The following DLG2 variants were observed in gnomAD, a reference collection of about 807,000 sequenced individuals.
DLG2 encodes the protein disks large homolog 2.
Under a neutral mutation model 132.5 loss-of-function variants are expected in DLG2, and 45 were observed. The observed-to-expected ratio is 0.34, with a 90% CI of 0.27 to 0.44. DLG2 has a LOEUF of 0.44. DLG2 is among the 20% of genes least tolerant of loss of function. The probability of loss-of-function intolerance (pLI) is 1.00; values close to 1 mark genes in which losing one functional copy is unlikely to be tolerated. For synonymous variants in DLG2, 424 were observed against 419.6 expected (o/e 1.01, Z -0.13); for missense variants, 1,045 against 1,196.9 (o/e 0.87, Z 1.87).
At chr11:83,519,292 T>C (rs886311176) in intron 21 of DLG2, among the ~76,000 whole-genome samples, 1 of 152,174 alleles carries the variant, frequency 6.6e-6, no homozygotes, top group African/African-American at 2.4e-5. Flanking sequence ...CACGATTACA[T>C]TGTGGAAGAA....
chr11:85,290,425 C>G (rs1287711160), intron 3 of DLG2, among the ~76,000 whole-genome samples: 1 of 152,028 alleles, frequency 6.6e-6, no homozygotes, highest in Non-Finnish European at 1.5e-5. Context: ...TTCTGATCCA[C>G]TAGCAACATT....
chr11:84,123,918 G>A (rs1313100320), intron 9 of DLG2, among the ~76,000 whole-genome samples: 2 of 152,254 alleles, frequency 1.3e-5, no homozygotes, highest in Non-Finnish European at 2.9e-5. Flanking sequence ...TTTTTAGAAT[G>A]TATTCTACTC....
intron 8 of DLG2, among the ~76,000 whole-genome samples, chr11:84,228,269 T>C (rs1381924697): frequency 6.6e-6 from 1 of 152,218 alleles, no homozygotes; most frequent in African/African-American, 2.4e-5. Context: ...TTTAACTGCA[T>C]TGGTCATGGA....
chr11:83,489,526 T>C (rs1213942856), intron 21 of DLG2, among the ~76,000 whole-genome samples: 3 of 151,942 alleles, frequency 2.0e-5, no homozygotes, highest in Non-Finnish European at 2.9e-5. Flanking sequence ...CCATCTGTGA[T>C]ACTTATGAGC....
chr11:84,316,682 A>G, intron 7 of DLG2: 1 of 909,200 alleles, frequency 1.1e-6, no homozygotes, highest in South Asian at 1.8e-5. Context: ...CATGTGTGAA[A>G]ATGACAGGTT....
chr11:84,811,742 T>C (rs540573677), intron 6 of DLG2, among the ~76,000 whole-genome samples: 1 of 152,326 alleles, frequency 6.6e-6, no homozygotes, highest in Admixed American at 6.5e-5. Flanking sequence ...ATGTACTGCA[T>C]GCCTACTCTG....
At chr11:84,549,340 A>G (rs2154523676) in intron 6 of DLG2, among the ~76,000 whole-genome samples, 1 of 152,300 alleles carries the variant, frequency 6.6e-6, no homozygotes, top group East Asian at 1.9e-4. Flanking sequence ...TCTATTGAGC[A>G]CTGTACGATC....
At chr11:84,559,090 T>A (rs1478797204) in intron 6 of DLG2, among the ~76,000 whole-genome samples, 3 of 152,176 alleles carry the variant, frequency 2.0e-5, no homozygotes, top group Non-Finnish European at 4.4e-5. Context: ...GGATGTTGAG[T>A]AGCTTGCTGA....
chr11:85,114,229 T>C (rs369468754), intron 5 of DLG2, among the ~76,000 whole-genome samples: 1 of 152,000 alleles, frequency 6.6e-6, no homozygotes, highest in East Asian at 1.9e-4. Context: ...TAACAGAGTT[T>C]GGGCCTACCT....
chr11:83,853,315 T>A (rs1038520272), intron 16 of DLG2, among the ~76,000 whole-genome samples: 1 of 152,112 alleles, frequency 6.6e-6, no homozygotes, highest in African/African-American at 2.4e-5. Context: ...TCTCCTCAGC[T>A]CTCCCTAACA....
intron 6 of DLG2, among the ~76,000 whole-genome samples, chr11:84,819,084 C>CACACACACAT (rs779280865): frequency 0.025 from 3,607 of 146,712 alleles, 173 homozygotes; most frequent in African/African-American, 0.086. Flanking sequence ...AATACACACA[C>CACACACACAT]ACACACACAC....
intron 25 of DLG2, 93 bp downstream of exon 25, chr11:83,469,108 T>C (rs919865142): frequency 3.3e-6 from 3 of 917,086 alleles, no homozygotes; most frequent in Non-Finnish European, 4.9e-6. Flanking sequence ...ACAATTGCAA[T>C]CAAGAAAGAG....
intron 6 of DLG2, among the ~76,000 whole-genome samples, chr11:84,628,581 G>A (rs1185117343): frequency 6.6e-6 from 1 of 152,032 alleles, no homozygotes; most frequent in African/African-American, 2.4e-5. Context: ...TCACATCTTT[G>A]CACATGTTAC....
chr11:84,494,247 T>G (rs1171809493), intron 7 of DLG2, among the ~76,000 whole-genome samples: 1 of 152,162 alleles, frequency 6.6e-6, no homozygotes. Flanking sequence ...TAGCTCTTAA[T>G]CGGAAAGAAT....
chr11:84,567,355 A>G (rs1469411510), intron 6 of DLG2, among the ~76,000 whole-genome samples: 12 of 152,174 alleles, frequency 7.9e-5, no homozygotes, highest in Admixed American at 5.9e-4. Context: ...TGACGAATCA[A>G]TTGTGTCTAG....
At chr11:84,551,687 A>G (rs2099402140) in intron 6 of DLG2, among the ~76,000 whole-genome samples, 1 of 152,158 alleles carries the variant, frequency 6.6e-6, no homozygotes, top group African/African-American at 2.4e-5. Context: ...TTCCACCTTT[A>G]ATTCACACAC....
Position 84,551,657 on chromosome 11 carries a change from A to T in DLG2, c.358-16926T>A, listed in dbSNP as rs12418388. ...ACAACTAGTGGATAGAATGAGATTT[A>T]TACCTCATTATCCTTGTAATTCCAC... On this transcript the variant is annotated intron_variant, in intron 6 of 27. Coordinates refer to ENST00000376104, the MANE Select transcript of DLG2 (RefSeq NM_001142699.3). Among the ~76,000 whole-genome samples, 418 of 152,364 alleles carry T rather than the reference A, an allele frequency of 2.7e-3. 8 individuals carry two copies. The highest frequency in any genetic ancestry group is 0.023 in the East Asian group (117 of 5,192).
At chr11:83,839,616 A>G (rs186587560) in intron 16 of DLG2, among the ~76,000 whole-genome samples, 4 of 152,348 alleles carry the variant, frequency 2.6e-5, no homozygotes, top group Admixed American at 1.3e-4. Flanking sequence ...GAACTTAAAC[A>G]ATGAAAATTT....
At chr11:84,669,182 G>A (rs1020867718) in intron 6 of DLG2, among the ~76,000 whole-genome samples, 7 of 152,046 alleles carry the variant, frequency 4.6e-5, no homozygotes, top group Non-Finnish European at 8.8e-5. Context: ...TAAAAGGGGA[G>A]TTGGGGTCTG....
Sources: gnomAD v4.1 joint callset for allele counts (sites outside exome capture counted in the v4.1 genomes callset) on GRCh38, gnomAD v4.1.1 for gene constraint, MANE v1.5 for transcripts, NCBI Gene and HGNC (gene_info 2026-07-23, HGNC 2026-07-21) for gene names.